SMPD3: variants seen among roughly 807,000 people sequenced by gnomAD.
The protein encoded by SMPD3 is nSMase-2.
In SMPD3, 21 loss-of-function variants were observed where a neutral mutation model predicts 55.7. The observed-to-expected ratio is 0.38, with a 90% CI of 0.27 to 0.54. SMPD3 has a LOEUF of 0.54. Among genes scored for constraint, SMPD3 ranks in the 20% least tolerant of loss-of-function variants. SMPD3 has a pLI of 0.80. For missense variants in SMPD3, 842 were observed against 899.6 expected (o/e 0.94, Z 0.82); for synonymous variants, 457 against 404.3 (o/e 1.13, Z -1.56).
chr16:68,430,452 C>T (rs1484432952), intron 1 of SMPD3, among the ~76,000 whole-genome samples: 4 of 152,114 alleles, frequency 2.6e-5, no homozygotes, highest in African/African-American at 4.8e-5. Flanking sequence ...ATTTAGACTC[C>T]GAGGCTGAGC....
At position 68,358,659 on chromosome 16, in the gene SMPD3, TTTG is replaced by T. The variant is rs1283875884; in HGVS notation, c.*2544_*2546del. On this transcript the variant is annotated 3_prime_UTR_variant, in exon 9 of 9. Coordinates refer to ENST00000219334, the MANE Select transcript of SMPD3 (RefSeq NM_018667.4). ...TAATATACTTAAAACTTAAGGTGGT[TTTG>T]GACAAATGAAAATGAACATTTCCTT... is the stretch of plus-strand genomic sequence containing the variant. The T allele has an allele frequency of 6.6e-6, 1 of 152,608 alleles. No homozygotes were observed. Among genetic ancestry groups the T allele is most frequent in the Non-Finnish European group, 1.5e-5 (1 of 68,040 alleles). 9.5% of individuals were successfully genotyped at this position (152,608 alleles called of 1,614,324 possible). A position where few individuals can be genotyped will look rare whatever the true frequency, so the allele number is the denominator to read the frequency against.
At chr16:68,368,200 T>G (rs536666608) in intron 3 of SMPD3, 4 of 152,598 alleles carry the variant, frequency 2.6e-5, no homozygotes, top group Non-Finnish European at 5.8e-5. Context: ...AAGAGAGGAT[T>G]GTGTGGCTGG....
intron 1 of SMPD3, among the ~76,000 whole-genome samples, chr16:68,412,630 TCAAGCC>T (rs1432800895): frequency 6.6e-6 from 1 of 152,004 alleles, no homozygotes; most frequent in East Asian, 1.9e-4. Context: ...ACAAAGAAAA[TCAAGCC>T]CAAAAGAAAA....
At chr16:68,394,744 C>T (rs1250025729) in intron 1 of SMPD3, among the ~76,000 whole-genome samples, 1 of 152,088 alleles carries the variant, frequency 6.6e-6, no homozygotes, top group Non-Finnish European at 1.5e-5. Context: ...AAACTGTATC[C>T]TATGTACAAT....
At chr16:68,403,786 G>A (rs985446253) in intron 1 of SMPD3, among the ~76,000 whole-genome samples, 3 of 152,190 alleles carry the variant, frequency 2.0e-5, no homozygotes, top group Non-Finnish European at 4.4e-5. Context: ...TGGGCCTCAT[G>A]CGTTGAAGAA....
intron 1 of SMPD3, among the ~76,000 whole-genome samples, chr16:68,424,292 C>A (rs887443314): frequency 6.6e-6 from 1 of 151,978 alleles, no homozygotes; most frequent in African/African-American, 2.4e-5. Context: ...GAACTCCCAG[C>A]CCCAGCATTA....
At chr16:68,403,364 A>G (rs1417854493) in intron 1 of SMPD3, among the ~76,000 whole-genome samples, 1 of 152,206 alleles carries the variant, frequency 6.6e-6, no homozygotes, top group Non-Finnish European at 1.5e-5. Context: ...CCAGGCTCAG[A>G]GTAGATGCCA....
At position 68,371,318 on chromosome 16, in the gene SMPD3, A is replaced by G. The variant is rs1179167103; in HGVS notation, c.864T>C (p.Asp288=). The change falls in exon 3 of 9, where the codon GAT becomes GAC. Residue 288 remains aspartate, a synonymous_variant. Transcript: ENST00000219334. ...CCGAGGGGCTGCCCAGGCTCCCTGA[A>G]TCCCCGTCCTGCTGATTATGGTTGG... ...QTPNHNQQDG[D]SGSLGSPSAS... 1 of 1,598,254 alleles carries G rather than the reference A, an allele frequency of 6.3e-7. No homozygotes were observed. The highest frequency in any genetic ancestry group is 8.5e-7 in the Non-Finnish European group (1 of 1,178,718).
intron 1 of SMPD3, among the ~76,000 whole-genome samples, chr16:68,410,099 GC>G (rs953035087): frequency 2.6e-5 from 4 of 152,228 alleles, no homozygotes; most frequent in Non-Finnish European, 4.4e-5. Flanking sequence ...TCACATGCAG[GC>G]CCTGGTGGGG....
At position 68,361,443 on chromosome 16, in the gene SMPD3, G is replaced by C. The variant is rs568286939; in HGVS notation, c.1867-136C>G. On this transcript the variant is annotated intron_variant, in intron 8 of 8. Transcript: ENST00000219334. Reference sequence around the variant, plus strand: ...ACCTTCCTGCAGTCAGAGGGATGGGGCCTGGAGGACCTGGGGCCCTAAGGG... The same window carrying C: ...ACCTTCCTGCAGTCAGAGGGATGGGCCCTGGAGGACCTGGGGCCCTAAGGG... 3 of 1,362,928 alleles carry C rather than the reference G, an allele frequency of 2.2e-6. No individual in the cohort carries two copies. In the Admixed American group the frequency reaches 5.6e-5, roughly 25 times the overall value. 84.4% of individuals were successfully genotyped at this position (1,362,928 alleles called of 1,614,324 possible).
At chr16:68,435,474 C>T (rs2090515327) in intron 1 of SMPD3, among the ~76,000 whole-genome samples, 1 of 100,606 alleles carries the variant, frequency 9.9e-6, no homozygotes, top group Admixed American at 1.2e-4. Context: ...AAATTAAACA[C>T]TCTGGCATTT....
chr16:68,391,448 G>A (rs796339619), intron 1 of SMPD3, among the ~76,000 whole-genome samples: 9 of 152,320 alleles, frequency 5.9e-5, no homozygotes, highest in African/African-American at 2.2e-4. Flanking sequence ...TCCAATCTAG[G>A]TTCAAATCTG....
At position 68,371,158 on chromosome 16, in the gene SMPD3, C is replaced by T. The variant is rs143884286; in HGVS notation, c.1024G>A (p.Asp342Asn). ...KAAARRRRHPDEAFDHEVSAF... is the reference protein window; with the variant it reads ...KAAARRRRHPNEAFDHEVSAF... ...GAGACCTCATGGTCGAAGGCCTCGT[C>T]GGGGTGCCGCCTCCTGCGTGCAGCC... is the stretch of plus-strand genomic sequence containing the variant. Residue 342 changes from aspartate to asparagine, a missense_variant, in exon 3 of 9, where the codon GAC becomes AAC. Physicochemically the swap from Asp to Asn is conservative, Grantham distance 23. Transcript: ENST00000219334. The T allele has an allele frequency of 9.1e-5, 147 of 1,613,530 alleles. No homozygotes were observed. In the African/African-American group the frequency reaches 1.6e-3, roughly 17 times the overall value.
At chr16:68,383,732 C>T (rs145904714) in intron 2 of SMPD3, among the ~76,000 whole-genome samples, 94 of 152,290 alleles carry the variant, frequency 6.2e-4, no homozygotes, top group African/African-American at 2.0e-3. Context: ...TGATCTCTGA[C>T]CACATGTATT....
chr16:68,359,340 A>C lies in SMPD3; in HGVS notation c.*1866T>G, dbSNP rs1433703298. On this transcript the variant is annotated 3_prime_UTR_variant, in exon 9 of 9. Coordinates refer to ENST00000219334, the MANE Select transcript of SMPD3 (RefSeq NM_018667.4). Reference sequence around the variant, plus strand: ...CCTTGGAGGGGTGGGCCGGGCAGAGAGCCCAGCAGGATGCTCGCCCTCAGC... The same window carrying C: ...CCTTGGAGGGGTGGGCCGGGCAGAGCGCCCAGCAGGATGCTCGCCCTCAGC... The C allele has an allele frequency of 1.3e-5, 2 of 152,348 alleles. No homozygotes were observed. Among genetic ancestry groups the C allele is most frequent in the African/African-American group, 2.4e-5 (1 of 41,448 alleles). The allele number at this position is 152,348 out of a possible 1,614,324, so 9.4% of individuals were successfully genotyped here.
intron 1 of SMPD3, among the ~76,000 whole-genome samples, chr16:68,441,785 T>A (rs919000999): frequency 1.3e-5 from 2 of 152,092 alleles, no homozygotes; most frequent in African/African-American, 4.8e-5. Flanking sequence ...TTAAAAAAAA[T>A]TTTAGAATCT....
chr16:68,381,784 A>T (rs563240135), intron 2 of SMPD3, among the ~76,000 whole-genome samples: 29 of 152,270 alleles, frequency 1.9e-4, no homozygotes, highest in African/African-American at 6.7e-4. Flanking sequence ...CCACCGCATG[A>T]CCCATCCCAT....
intron 1 of SMPD3, among the ~76,000 whole-genome samples, chr16:68,408,146 C>T (rs2152016427): frequency 6.6e-6 from 1 of 152,204 alleles, no homozygotes; most frequent in Admixed American, 6.5e-5. Context: ...TTACATAGCC[C>T]CAGCTACTAA....
chr16:68,399,558 A>G (rs1413561465), intron 1 of SMPD3, among the ~76,000 whole-genome samples: 1 of 152,128 alleles, frequency 6.6e-6, no homozygotes, highest in South Asian at 2.1e-4. Context: ...AGTGCCATCC[A>G]TCCCATCTTG....
Sources: gnomAD v4.1 joint callset for allele counts (sites outside exome capture counted in the v4.1 genomes callset) on GRCh38, gnomAD v4.1.1 for gene constraint, MANE v1.5 for transcripts, NCBI Gene and HGNC (gene_info 2026-07-23, HGNC 2026-07-21) for gene names.